The following MBTD1 variants were observed in gnomAD, a reference collection of about 807,000 sequenced individuals.
MBTD1 encodes mbt domain containing 1.
In MBTD1, 24 loss-of-function variants were observed where a neutral mutation model predicts 87.8. The ratio of observed to expected loss-of-function variants is 0.27; its 90% CI spans 0.20 to 0.38. The LOEUF (loss-of-function observed/expected upper bound fraction) is 0.38. MBTD1 is among the 10% of genes least tolerant of loss of function. The probability of loss-of-function intolerance (pLI) is 1.00; values close to 1 mark genes in which losing one functional copy is unlikely to be tolerated. For missense variants in MBTD1, 436 were observed against 760.2 expected (o/e 0.57, Z 5.02); for synonymous variants, 237 against 248.6 (o/e 0.95, Z 0.44).
At chr17:51,189,410 A>G (rs2050696567) in intron 16 of MBTD1, among the ~76,000 whole-genome samples, 3 of 152,216 alleles carry the variant, frequency 2.0e-5, no homozygotes, top group Admixed American at 1.3e-4. Flanking sequence ...TATGTTGCAT[A>G]TAGACCAAAA....
At chr17:51,208,733 C>T (rs2052000320) in intron 6 of MBTD1, among the ~76,000 whole-genome samples, 1 of 152,136 alleles carries the variant, frequency 6.6e-6, no homozygotes, top group South Asian at 2.1e-4. Context: ...GGTTGGCACA[C>T]TGGTAAGTAA....
At chr17:51,235,137 A>AT (rs1326920043) in intron 2 of MBTD1, among the ~76,000 whole-genome samples, 1 of 124,500 alleles carries the variant, frequency 8.0e-6, no homozygotes, top group South Asian at 3.4e-4. Context: ...TATAGGATGC[A>AT]ATTTTTTTTT....
intron 6 of MBTD1, among the ~76,000 whole-genome samples, chr17:51,212,158 G>C (rs993363153): frequency 1.3e-5 from 2 of 152,088 alleles, no homozygotes; most frequent in African/African-American, 4.8e-5. Context: ...AGGAGTTCGA[G>C]AACAGCCTGA....
intron 2 of MBTD1, among the ~76,000 whole-genome samples, chr17:51,229,014 GA>G (rs59246432): frequency 2.6e-4 from 36 of 137,858 alleles, no homozygotes; most frequent in Non-Finnish European, 3.0e-4. Flanking sequence ...ACAAACAACA[GA>G]AAAAAAAAAA....
intron 2 of MBTD1, among the ~76,000 whole-genome samples, chr17:51,234,818 C>T (rs2143895629): frequency 6.6e-6 from 1 of 152,264 alleles, no homozygotes; most frequent in Non-Finnish European, 1.5e-5. Context: ...CTCAGCCTCC[C>T]AAGTAGCTGG....
intron 5 of MBTD1, among the ~76,000 whole-genome samples, chr17:51,217,649 C>A (rs1338319021): frequency 6.6e-6 from 1 of 152,136 alleles, no homozygotes. Context: ...CCCTCTGACA[C>A]CTAGGCTGGA....
intron 16 of MBTD1, chr17:51,191,875 C>G (rs1287619524): frequency 1.2e-5 from 3 of 251,496 alleles, no homozygotes; most frequent in Non-Finnish European, 2.3e-5. Flanking sequence ...GCCACTGCAC[C>G]TGGCTGCTAA....
At chr17:51,233,991 A>G (rs74433211) in intron 2 of MBTD1, among the ~76,000 whole-genome samples, 2,770 of 152,250 alleles carry the variant, frequency 0.018, 89 homozygotes, top group African/African-American at 0.064. Context: ...AGGAAAAAAA[A>G]AGAAAACAAA....
upstream of MBTD1, chr17:51,260,189 G>A (rs1046036620): frequency 1.3e-5 from 5 of 388,522 alleles, no homozygotes; most frequent in Non-Finnish European, 2.3e-5. Context: ...CAAGACGAAG[G>A]GTGGAAAGCG....
chr17:51,249,672 T>C (rs1013192925), intron 2 of MBTD1: 1 of 152,224 alleles, frequency 6.6e-6, no homozygotes, highest in Non-Finnish European at 1.5e-5. Flanking sequence ...CATTATGTAC[T>C]GTATACTTTT....
intron 16 of MBTD1, among the ~76,000 whole-genome samples, chr17:51,181,324 C>T (rs2050304969): frequency 6.6e-6 from 1 of 151,860 alleles, no homozygotes; most frequent in Admixed American, 6.6e-5. Context: ...CGTGCCCGGC[C>T]TCAAGGAGTA....
In MBTD1 at chr17:51,201,809, T is replaced by C. The variant is rs2051508819; in HGVS notation, c.1120-113A>G. 7 of 788,590 alleles carry C rather than the reference T, an allele frequency of 8.9e-6. No individual in the cohort carries two copies. The South Asian group carries it at 1.1e-4, about 12-fold the overall frequency. 48.8% of individuals were successfully genotyped at this position (788,590 alleles called of 1,614,324 possible). On this transcript the variant is annotated intron_variant, in intron 11 of 16. Coordinates refer to ENST00000586178, the MANE Select transcript of MBTD1 (RefSeq NM_017643.3). ...GTGCCTTCTCCTACCTACCTAATAT[T>C]ATAACTCAAACTTCCATTAAGGTTT...
At chr17:51,183,317 G>T (rs11650690) in intron 16 of MBTD1, 1 of 151,622 alleles carries the variant, frequency 6.6e-6, no homozygotes, top group Admixed American at 6.6e-5. Flanking sequence ...ATTTACAGGC[G>T]TGCACCACCA....
At chr17:51,205,089 G>A (rs1312894803) in intron 7 of MBTD1, among the ~76,000 whole-genome samples, 2 of 152,068 alleles carry the variant, frequency 1.3e-5, no homozygotes, top group Non-Finnish European at 2.9e-5. Flanking sequence ...AAAAGATTAC[G>A]ATTTAATTTA....
chr17:51,245,578 T>C (rs2144102421), intron 2 of MBTD1, among the ~76,000 whole-genome samples: 1 of 152,082 alleles, frequency 6.6e-6, no homozygotes, highest in Admixed American at 6.6e-5. Context: ...TAATATTTTT[T>C]CCAAATGGCT....
At chr17:51,254,762 T>G (rs2054986583) in intron 2 of MBTD1, among the ~76,000 whole-genome samples, 1 of 152,196 alleles carries the variant, frequency 6.6e-6, no homozygotes. Flanking sequence ...TGAATAGGCT[T>G]TCAGTTCTTC....
At chr17:51,227,620 A>T (rs185460551) in intron 2 of MBTD1, among the ~76,000 whole-genome samples, 1 of 152,244 alleles carries the variant, frequency 6.6e-6, no homozygotes, top group African/African-American at 2.4e-5. Flanking sequence ...AGAAAAAAAA[A>T]ATCACTGCTA....
At chr17:51,234,696 T>C (rs1375501894) in intron 2 of MBTD1, among the ~76,000 whole-genome samples, 1 of 152,218 alleles carries the variant, frequency 6.6e-6, no homozygotes, top group African/African-American at 2.4e-5. Flanking sequence ...ATACCAACTT[T>C]TCTTTTTGTT....
At chr17:51,219,095 C>T (rs2052740355) in intron 4 of MBTD1, 51 bp from the exon 5 acceptor site, 1 of 926,328 alleles carries the variant, frequency 1.1e-6, no homozygotes, top group Non-Finnish European at 1.7e-6. Flanking sequence ...CCCCTCACCA[C>T]CACAATTTAA....
Sources: gnomAD v4.1 joint callset for allele counts (sites outside exome capture counted in the v4.1 genomes callset) on GRCh38, gnomAD v4.1.1 for gene constraint, MANE v1.5 for transcripts, NCBI Gene and HGNC (gene_info 2026-07-23, HGNC 2026-07-21) for gene names.